HS6ST3: variants seen among roughly 807,000 people sequenced by gnomAD.
The protein encoded by HS6ST3 is heparan-sulfate 6-O-sulfotransferase 3.
A neutral mutation model predicts 36.7 loss-of-function variants in HS6ST3; 12 were observed. That is an observed-to-expected ratio of 0.33 (90% CI 0.21 to 0.53). The LOEUF (loss-of-function observed/expected upper bound fraction) is 0.53, where lower values mean the gene tolerates loss of function less well. Among genes scored for constraint, HS6ST3 ranks in the 20% least tolerant of loss-of-function variants. The probability of loss-of-function intolerance (pLI) is 0.95; values close to 1 mark genes in which losing one functional copy is unlikely to be tolerated. For missense variants in HS6ST3, 584 were observed against 640.9 expected (o/e 0.91, Z 0.96); for synonymous variants, 240 against 257.5 (o/e 0.93, Z 0.65).
chr13:96,593,341 G>A (rs543320158), intron 1 of HS6ST3, among the ~76,000 whole-genome samples: 3 of 150,490 alleles, frequency 2.0e-5, no homozygotes, highest in South Asian at 2.1e-4. Flanking sequence ...ACACCACCAC[G>A]CCCAGCTAAT....
At chr13:96,443,185 GA>G (rs2055681336) in intron 1 of HS6ST3, among the ~76,000 whole-genome samples, 1 of 151,642 alleles carries the variant, frequency 6.6e-6, no homozygotes, top group South Asian at 2.1e-4. Context: ...TTTGAAAAAT[GA>G]TTTTTTTTGT....
In HS6ST3 at chr13:96,163,025, G is replaced by T. The variant is rs531369841; in HGVS notation, c.707+71456G>T. ...GATAACAACAAATATGATATTTTAG[G>T]ACCTGACTCCAAACTTCTAACAAGG... On this transcript the variant is annotated intron_variant, in intron 1 of 1. Transcript: ENST00000376705. 9.2e-5 allele frequency among the ~76,000 whole-genome samples: 14 copies of T among 151,994 alleles called. No homozygotes were observed. The South Asian group carries it at 2.9e-3, about 32-fold the overall frequency.
chr13:96,712,513 T>G (rs1176948961), intron 1 of HS6ST3, among the ~76,000 whole-genome samples: 1 of 151,946 alleles, frequency 6.6e-6, no homozygotes, highest in Non-Finnish European at 1.5e-5. Context: ...AGGGTGGGGG[T>G]TCAAAGGTAT....
chr13:96,668,885 T>C (rs544991910), intron 1 of HS6ST3, among the ~76,000 whole-genome samples: 6 of 151,760 alleles, frequency 4.0e-5, no homozygotes, highest in Admixed American at 3.9e-4. Context: ...AAGAGAGCTA[T>C]AAAATATGGA....
chr13:96,136,549 TCCA>T (rs1339688044), intron 1 of HS6ST3, among the ~76,000 whole-genome samples: 1 of 151,822 alleles, frequency 6.6e-6, no homozygotes, highest in African/African-American at 2.4e-5. Flanking sequence ...TTATGAGAAC[TCCA>T]CCGCCGTGAA....
At chr13:96,200,010 G>A (rs981219612) in intron 1 of HS6ST3, among the ~76,000 whole-genome samples, 1 of 152,128 alleles carries the variant, frequency 6.6e-6, no homozygotes, top group African/African-American at 2.4e-5. Flanking sequence ...TCCATGTTTC[G>A]AGTCTCCAAA....
At chr13:96,785,333 T>A (rs1458755528) in intron 1 of HS6ST3, among the ~76,000 whole-genome samples, 2 of 152,142 alleles carry the variant, frequency 1.3e-5, no homozygotes, top group African/African-American at 4.8e-5. Context: ...AATCAGAATG[T>A]AGAGCAGTAA....
intron 1 of HS6ST3, among the ~76,000 whole-genome samples, chr13:96,316,257 CTGTGTGTGTGTGTGTGTGTG>C (rs10534465): frequency 0.024 from 3,577 of 147,282 alleles, 52 homozygotes; most frequent in Non-Finnish European, 0.038. Context: ...CTACATACAC[CTGTGTGTGTGTGTGTGTGTG>C]TGTGTGTGTG....
intron 1 of HS6ST3, among the ~76,000 whole-genome samples, chr13:96,224,796 T>A (rs2054472612): frequency 6.6e-6 from 1 of 152,250 alleles, no homozygotes; most frequent in Non-Finnish European, 1.5e-5. Flanking sequence ...TGTAGACCAG[T>A]GATCCTTCTA....
chr13:96,720,061 G>C (rs1488846747), intron 1 of HS6ST3, among the ~76,000 whole-genome samples: 1 of 152,040 alleles, frequency 6.6e-6, no homozygotes, highest in Non-Finnish European at 1.5e-5. Context: ...TCTCATCTTT[G>C]TTTCCCCACT....
chr13:96,182,773 G>C (rs1156714027), intron 1 of HS6ST3, among the ~76,000 whole-genome samples: 1 of 151,900 alleles, frequency 6.6e-6, no homozygotes, highest in Non-Finnish European at 1.5e-5. Context: ...TGATGTCCTG[G>C]TCTCACCTTC....
intron 1 of HS6ST3, among the ~76,000 whole-genome samples, chr13:96,214,581 T>C (rs1014350036): frequency 2.0e-5 from 3 of 152,216 alleles, no homozygotes; most frequent in Non-Finnish European, 4.4e-5. Context: ...ATGTACATTA[T>C]TTTTAATTTT....
intron 1 of HS6ST3, among the ~76,000 whole-genome samples, chr13:96,602,770 G>A (rs2056426199): frequency 6.6e-6 from 1 of 152,142 alleles, no homozygotes; most frequent in African/African-American, 2.4e-5. Context: ...GGATTATGGG[G>A]CTGTGGGGGT....
At chr13:96,508,829 A>G (rs1287752418) in intron 1 of HS6ST3, among the ~76,000 whole-genome samples, 4 of 152,128 alleles carry the variant, frequency 2.6e-5, no homozygotes, top group South Asian at 2.1e-4. Context: ...ATGTGCTGCT[A>G]TAAACATACG....
chr13:96,338,815 C>T (rs926440064), intron 1 of HS6ST3, among the ~76,000 whole-genome samples: 3 of 152,078 alleles, frequency 2.0e-5, no homozygotes, highest in Non-Finnish European at 4.4e-5. Context: ...CAGGAGGCAG[C>T]GGCAGTACCT....
chr13:96,691,290 TAAATATA>T (rs1274376765), intron 1 of HS6ST3, among the ~76,000 whole-genome samples: 1 of 152,122 alleles, frequency 6.6e-6, no homozygotes, highest in Non-Finnish European at 1.5e-5. Context: ...ACTGGGATGT[TAAATATA>T]AGATGGCAGT....
intron 1 of HS6ST3, among the ~76,000 whole-genome samples, chr13:96,608,200 T>C (rs943369796): frequency 6.6e-6 from 1 of 152,214 alleles, no homozygotes; most frequent in Non-Finnish European, 1.5e-5. Flanking sequence ...AGGGGAAATA[T>C]ATAAACATTT....
In HS6ST3 at chr13:96,090,814, C is replaced by T. The variant is rs778284728; in HGVS notation, c.-49C>T. The T allele has an allele frequency of 4.9e-6, 7 of 1,439,942 alleles. No individual in the cohort carries two copies. The Admixed American group carries it at 1.5e-4, about 31-fold the overall frequency. 89.2% of individuals were successfully genotyped at this position (1,439,942 alleles called of 1,614,324 possible). On this transcript the variant is annotated 5_prime_UTR_variant, in exon 1 of 2. Coordinates refer to ENST00000376705, the MANE Select transcript of HS6ST3 (RefSeq NM_153456.4). ...ACTTCCGAGCGGGCGCCCGTCCGCC[C>T]TGCCGCCGCCGCCGCCGCCGCTTCG...
intron 1 of HS6ST3, among the ~76,000 whole-genome samples, chr13:96,559,400 T>C (rs1251012707): frequency 6.6e-6 from 1 of 152,166 alleles, no homozygotes; most frequent in East Asian, 1.9e-4. Flanking sequence ...ATTACAAGTG[T>C]GATCCACCAT....
Sources: allele counts gnomAD v4.1 joint callset (sites outside exome capture counted in the v4.1 genomes callset), GRCh38; gene constraint gnomAD v4.1.1; transcripts MANE v1.5; gene names NCBI Gene and HGNC (gene_info 2026-07-23, HGNC 2026-07-21).